The following DPP6 variants were observed in gnomAD, a reference collection of about 807,000 sequenced individuals.
The protein encoded by DPP6 is dipeptidyl peptidase like 6, also known as A-type potassium channel modulatory protein DPP6.
Under a neutral mutation model 122.6 loss-of-function variants are expected in DPP6, and 69 were observed. The observed-to-expected ratio is 0.56, with a 90% confidence interval of 0.46 to 0.69. The LOEUF (loss-of-function observed/expected upper bound fraction) is 0.69. Ranked by LOEUF, DPP6 falls within the 30% of genes least tolerant of loss-of-function variation. The probability of loss-of-function intolerance (pLI) is 0.00; values close to 1 mark genes in which losing one functional copy is unlikely to be tolerated. For synonymous variants in DPP6, 418 were observed against 433.1 expected (o/e 0.97, Z 0.43); for missense variants, 928 against 1,116.9 (o/e 0.83, Z 2.41).
chr7:154,715,498 T>C (rs1841433789), intron 7 of DPP6, among the ~76,000 whole-genome samples: 1 of 152,248 alleles, frequency 6.6e-6, no homozygotes, highest in African/African-American at 2.4e-5. Context: ...TTGGAACACT[T>C]GCTAATATGA....
chr7:154,718,272 A>G (rs1841604289), intron 7 of DPP6, among the ~76,000 whole-genome samples: 1 of 146,872 alleles, frequency 6.8e-6, no homozygotes, highest in Admixed American at 6.9e-5. Context: ...GCCTTTTTCT[A>G]TTTTTGTGTT....
At chr7:154,088,313 C>G (rs1267519204) in intron 1 of DPP6, among the ~76,000 whole-genome samples, 2 of 146,404 alleles carry the variant, frequency 1.4e-5, no homozygotes, top group East Asian at 2.0e-4. Context: ...CGTGGCAACA[C>G]CAACCACGAT....
intron 1 of DPP6, among the ~76,000 whole-genome samples, chr7:154,325,534 G>A (rs971695642): frequency 2.0e-5 from 3 of 152,130 alleles, no homozygotes; most frequent in African/African-American, 7.2e-5. Flanking sequence ...GTTACCCTCA[G>A]AACCACAAAT....
intron 1 of DPP6, among the ~76,000 whole-genome samples, chr7:154,271,293 C>A (rs1248051746): frequency 6.6e-6 from 1 of 152,176 alleles, no homozygotes; most frequent in Non-Finnish European, 1.5e-5. Context: ...TCTGGGGTAG[C>A]AAACTCAGAG....
At chr7:154,464,927 G>T (rs756459062) in intron 2 of DPP6, among the ~76,000 whole-genome samples, 1 of 152,056 alleles carries the variant, frequency 6.6e-6, no homozygotes, top group Non-Finnish European at 1.5e-5. Context: ...TATACTATGG[G>T]GTTTTATTGC....
chr7:154,586,016 C>T (rs1832419927), intron 5 of DPP6, among the ~76,000 whole-genome samples: 1 of 152,004 alleles, frequency 6.6e-6, no homozygotes, highest in Non-Finnish European at 1.5e-5. Context: ...GGTGGGATGG[C>T]ACAGTGAGGG....
At position 154,404,649 on chromosome 7, in the gene DPP6, G is replaced by A. The variant is rs532820619; in HGVS notation, c.244-41565G>A. Among the ~76,000 whole-genome samples, 9 of 152,316 alleles carry A rather than the reference G, an allele frequency of 5.9e-5. No individual in the cohort carries two copies. In the South Asian group the frequency reaches 1.9e-3, roughly 32 times the overall value. Reference sequence around the variant, plus strand: ...CAGTAATGATGGAAATTCAAATTAAGGCTAAAAGGAGACAGTTTGCTTATA... The same window carrying A: ...CAGTAATGATGGAAATTCAAATTAAAGCTAAAAGGAGACAGTTTGCTTATA... On this transcript the variant is annotated intron_variant, in intron 1 of 25. Coordinates refer to ENST00000377770, the MANE Select transcript of DPP6 (RefSeq NM_130797.4).
intron 16 of DPP6, among the ~76,000 whole-genome samples, chr7:154,810,703 C>A (rs919226179): frequency 2.0e-5 from 3 of 151,786 alleles, no homozygotes; most frequent in Non-Finnish European, 4.4e-5. Flanking sequence ...GTCACACACA[C>A]ATGACTGACC....
intron 1 of DPP6, among the ~76,000 whole-genome samples, chr7:154,255,354 T>A (rs1224716342): frequency 1.3e-5 from 2 of 152,144 alleles, no homozygotes; most frequent in Non-Finnish European, 2.9e-5. Flanking sequence ...ACAATTAGAG[T>A]TATCTGAAGG....
intron 6 of DPP6, among the ~76,000 whole-genome samples, chr7:154,659,227 G>T (rs777328125): frequency 1.3e-5 from 2 of 152,166 alleles, no homozygotes; most frequent in African/African-American, 4.8e-5. Flanking sequence ...CCTGACACAG[G>T]GATTGAGCCC....
chr7:154,461,965 T>C (rs1205709539), intron 2 of DPP6, among the ~76,000 whole-genome samples: 1 of 150,768 alleles, frequency 6.6e-6, no homozygotes, highest in African/African-American at 2.5e-5. Flanking sequence ...GTTTCCCCAA[T>C]TTTTTTTTAA....
intron 1 of DPP6, among the ~76,000 whole-genome samples, chr7:153,934,232 G>A (rs75087059): frequency 5.9e-5 from 9 of 152,102 alleles, no homozygotes; most frequent in Admixed American, 2.0e-4. Flanking sequence ...GGCTCAGCAG[G>A]CAGCAGGCAG....
At chr7:153,753,800 T>G in the DPP6 span, among the ~76,000 whole-genome samples, 1 of 152,144 alleles carries the variant, frequency 6.6e-6, no homozygotes, top group Non-Finnish European at 1.5e-5. Context: ...CTCTGATGAA[T>G]GCAGTGATTA....
intron 1 of DPP6, among the ~76,000 whole-genome samples, chr7:154,314,913 AG>A (rs1429455665): frequency 2.0e-5 from 3 of 152,232 alleles, no homozygotes; most frequent in Non-Finnish European, 2.9e-5. Context: ...AGTTAAGAAA[AG>A]GTTTGTGTCC....
chr7:154,829,298 G>T (rs1054186047), intron 16 of DPP6, among the ~76,000 whole-genome samples: 4 of 151,856 alleles, frequency 2.6e-5, no homozygotes, highest in Non-Finnish European at 5.9e-5. Flanking sequence ...CAGAAGGATT[G>T]CTTGAACCTG....
At chr7:154,417,344 C>T (rs1050755156) in intron 1 of DPP6, among the ~76,000 whole-genome samples, 33 of 152,138 alleles carry the variant, frequency 2.2e-4, no homozygotes, top group Non-Finnish European at 2.8e-4. Context: ...GGGGTGATGG[C>T]CCCCCATGCT....
At chr7:153,769,740 T>C in the DPP6 span, among the ~76,000 whole-genome samples, 1 of 152,208 alleles carries the variant, frequency 6.6e-6, no homozygotes, top group African/African-American at 2.4e-5. Context: ...CCTCACTTTT[T>C]TTTAAATCCA....
chr7:153,997,754 C>T (rs1435071698), intron 1 of DPP6, among the ~76,000 whole-genome samples: 1 of 148,224 alleles, frequency 6.7e-6, no homozygotes, highest in Admixed American at 6.6e-5. Flanking sequence ...TAGACGTCTA[C>T]TACATGCAGC....
chr7:154,750,961 G>T (rs375826846), intron 8 of DPP6, among the ~76,000 whole-genome samples: 1 of 152,214 alleles, frequency 6.6e-6, no homozygotes, highest in Non-Finnish European at 1.5e-5. Context: ...AGAGCACGTA[G>T]ATTTCAGAGC....
Sources: gnomAD v4.1 joint callset for allele counts (sites outside exome capture counted in the v4.1 genomes callset) on GRCh38, gnomAD v4.1.1 for gene constraint, MANE v1.5 for transcripts, NCBI Gene and HGNC (gene_info 2026-07-23, HGNC 2026-07-21) for gene names.